Variants in SAMSN1 observed in about 807,000 individuals in gnomAD.
The protein encoded by SAMSN1 is SAM domain, SH3 domain and nuclear localization signals 1, also known as SAM domain-containing protein SAMSN-1.
SAMSN1 carries 31 observed loss-of-function variants against 42.0 expected under a neutral mutation model. The ratio of observed to expected loss-of-function variants is 0.74; its 90% confidence interval spans 0.55 to 1.00. The LOEUF (loss-of-function observed/expected upper bound fraction) is 1.00, where lower values mean the gene tolerates loss of function less well. Ranked by LOEUF, SAMSN1 falls within the 50% of genes least tolerant of loss-of-function variation. SAMSN1 has a pLI of 0.00. For synonymous variants in SAMSN1, 178 were observed against 151.9 expected, an observed-to-expected ratio of 1.17 and a Z score of -1.26; for missense variants, 464 against 439.4, an observed-to-expected ratio of 1.06 and a Z score of -0.50.
At chr21:14,577,263 TATATATATATATATATA>T (rs1568816098) in intron 2 of SAMSN1, among the ~76,000 whole-genome samples, 7 of 46,380 alleles carry the variant, frequency 1.5e-4, no homozygotes, top group South Asian at 1.3e-3. Context: ...TATATATATA[TATATATATATATATATA>T]TATATTTTTT....
At chr21:14,530,333 A>ACAAG (rs1555833451) in intron 1 of SAMSN1, among the ~76,000 whole-genome samples, 1 of 56,780 alleles carries the variant, frequency 1.8e-5, no homozygotes, top group African/African-American at 3.4e-5. Flanking sequence ...AAAAAAAAAA[A>ACAAG]AAAGAAAGAA....
At chr21:14,659,100 G>A (rs933918357), upstream of SAMSN1, among the ~76,000 whole-genome samples, 1 of 151,868 alleles carries the variant, frequency 6.6e-6, no homozygotes, top group Non-Finnish European at 1.5e-5. Flanking sequence ...GGCAAACCTG[G>A]AGAAAATATT....
chr21:14,598,928 T>C (rs1474822777), intron 6 of SAMSN1, among the ~76,000 whole-genome samples: 1 of 152,184 alleles, frequency 6.6e-6, no homozygotes, highest in Non-Finnish European at 1.5e-5. Context: ...TATTTATACA[T>C]AGTTTTAAGA....
chr21:14,524,709 A>T (rs772213405), intron 1 of SAMSN1, among the ~76,000 whole-genome samples: 11 of 152,220 alleles, frequency 7.2e-5, no homozygotes, highest in Non-Finnish European at 1.0e-4. Context: ...CCTAATGTTC[A>T]TCAAGAGGAT....
At chr21:14,610,621 G>A (rs904922143) in intron 4 of SAMSN1, among the ~76,000 whole-genome samples, 12 of 152,158 alleles carry the variant, frequency 7.9e-5, no homozygotes, top group East Asian at 7.7e-4. Flanking sequence ...ACCTGCTGAC[G>A]TGTGATGTCT....
At chr21:14,589,597 GGCAT>G (rs1982018712) in intron 7 of SAMSN1, among the ~76,000 whole-genome samples, 1 of 151,934 alleles carries the variant, frequency 6.6e-6, no homozygotes, top group Non-Finnish European at 1.5e-5. Flanking sequence ...TTGCTGGAAA[GGCAT>G]TTAAAGCTTT....
intron 1 of SAMSN1, among the ~76,000 whole-genome samples, chr21:14,654,885 G>A (rs462048): frequency 0.77 from 116,332 of 151,714 alleles, 45,127 homozygotes; most frequent in Middle Eastern, 0.89. Flanking sequence ...AGAGAGAGAA[G>A]AAGAAAAAGA....
intron 5 of SAMSN1, among the ~76,000 whole-genome samples, chr21:14,508,183 C>A (rs59551328): frequency 0.043 from 6,467 of 152,090 alleles, 447 homozygotes; most frequent in African/African-American, 0.15. Flanking sequence ...AAAGCAAATG[C>A]AATAAAAACA....
intron 5 of SAMSN1, among the ~76,000 whole-genome samples, chr21:14,603,274 T>A (rs947361899): frequency 6.6e-6 from 1 of 152,118 alleles, no homozygotes; most frequent in South Asian, 2.1e-4. Flanking sequence ...TTCTTCTAGG[T>A]GTAGAAAAAG....
intron 2 of SAMSN1, among the ~76,000 whole-genome samples, chr21:14,556,498 C>T (rs1196183105): frequency 2.6e-5 from 4 of 152,148 alleles, no homozygotes; most frequent in African/African-American, 4.8e-5. Flanking sequence ...TATATGCATG[C>T]GTGTGTTCAT....
intron 1 of SAMSN1, among the ~76,000 whole-genome samples, chr21:14,536,532 G>A (rs1444718487): frequency 6.6e-6 from 1 of 152,100 alleles, no homozygotes; most frequent in Non-Finnish European, 1.5e-5. Flanking sequence ...CTACCTGCTT[G>A]GGATAAAACT....
At chr21:14,625,195 G>A (rs978929409) in intron 2 of SAMSN1, among the ~76,000 whole-genome samples, 25 of 152,168 alleles carry the variant, frequency 1.6e-4, no homozygotes, top group Middle Eastern at 3.4e-3. Flanking sequence ...AAAACTGGAC[G>A]CATTCCCTTT....
chr21:14,580,201 A>C (rs1025137858), intron 2 of SAMSN1, among the ~76,000 whole-genome samples: 2 of 152,228 alleles, frequency 1.3e-5, no homozygotes, highest in Non-Finnish European at 2.9e-5. Flanking sequence ...ACAAAGATAG[A>C]GGGAAGAAAG....
intron 2 of SAMSN1, among the ~76,000 whole-genome samples, chr21:14,639,179 G>T (rs958628162): frequency 2.6e-5 from 4 of 152,152 alleles, no homozygotes; most frequent in African/African-American, 4.8e-5. Flanking sequence ...GATCCAGTTA[G>T]CCCCAAATTG....
At chr21:14,651,126 C>T (rs1262179350) in intron 1 of SAMSN1, among the ~76,000 whole-genome samples, 1 of 151,924 alleles carries the variant, frequency 6.6e-6, no homozygotes, top group Admixed American at 6.6e-5. Context: ...ACCAATCTTA[C>T]TCAAACTATT....
chr21:14,540,165 G>C (rs972618639), intron 1 of SAMSN1, among the ~76,000 whole-genome samples: 1 of 152,188 alleles, frequency 6.6e-6, no homozygotes, highest in Admixed American at 6.5e-5. Flanking sequence ...AGACTTACAT[G>C]TTAGACCTAA....
chr21:14,583,891 G>A, upstream of SAMSN1: 1 of 574,458 alleles, frequency 1.7e-6, no homozygotes, highest in Non-Finnish European at 3.1e-6. Flanking sequence ...AAAACCTGAA[G>A]CCTGAGTCAA....
intron 1 of SAMSN1, among the ~76,000 whole-genome samples, chr21:14,523,063 T>C (rs1248993261): frequency 2.0e-5 from 3 of 152,182 alleles, no homozygotes; most frequent in African/African-American, 4.8e-5. Flanking sequence ...GATTTTTTTT[T>C]CTCCATCAAT....
intron 2 of SAMSN1, among the ~76,000 whole-genome samples, chr21:14,642,016 T>C (rs951326361): frequency 5.3e-5 from 8 of 152,210 alleles, no homozygotes; most frequent in African/African-American, 1.9e-4. Flanking sequence ...AAAGAAAATG[T>C]TAATAAGAAC....
Sources: gnomAD v4.1 joint callset for allele counts (sites outside exome capture counted in the v4.1 genomes callset) on GRCh38, gnomAD v4.1.1 for gene constraint, MANE v1.5 for transcripts, NCBI Gene and HGNC (gene_info 2026-07-23, HGNC 2026-07-21) for gene names.